The following ANKH variants were observed in gnomAD, a reference collection of about 807,000 sequenced individuals.
ANKH encodes mineralization regulator ANKH.
In ANKH, 15 loss-of-function variants were observed where a neutral mutation model predicts 49.0. The ratio of observed to expected loss-of-function variants is 0.31; its 90% CI spans 0.20 to 0.47. ANKH has a LOEUF of 0.47. Ranked by LOEUF, ANKH falls within the 20% of genes least tolerant of loss-of-function variation. The pLI, the probability that ANKH is intolerant of heterozygous loss-of-function variation, is 1.00. For missense variants in ANKH, 429 were observed against 652.0 expected, an observed-to-expected ratio of 0.66 and a Z score of 3.72; for synonymous variants, 273 against 260.0, an observed-to-expected ratio of 1.05 and a Z score of -0.48.
chr5:14,767,024 G>A (rs1300488173), intron 2 of ANKH, among the ~76,000 whole-genome samples: 4 of 152,294 alleles, frequency 2.6e-5, no homozygotes, highest in Middle Eastern at 3.4e-3. Context: ...GGGTGTAAGC[G>A]TCAAATATAG....
At chr5:14,791,565 A>G (rs773278005) in intron 1 of ANKH, among the ~76,000 whole-genome samples, 1 of 152,162 alleles carries the variant, frequency 6.6e-6, no homozygotes, top group Non-Finnish European at 1.5e-5. Flanking sequence ...GTTTTGAATA[A>G]ATCAGCCACC....
chr5:14,777,399 G>A (rs541491823), intron 1 of ANKH, among the ~76,000 whole-genome samples: 1 of 152,186 alleles, frequency 6.6e-6, no homozygotes, highest in East Asian at 1.9e-4. Flanking sequence ...ACTGTGTTCT[G>A]TTGCCTGATT....
At chr5:14,807,991 A>G (rs1740756758) in intron 1 of ANKH, among the ~76,000 whole-genome samples, 1 of 152,234 alleles carries the variant, frequency 6.6e-6, no homozygotes, top group African/African-American at 2.4e-5. Flanking sequence ...CCAAAATGTT[A>G]TTGCTGGTCA....
Position 14,841,366 on chromosome 5 carries a change from G to A in ANKH, c.96+29986C>T, listed in dbSNP as rs183245274. 6.0e-4 allele frequency among the ~76,000 whole-genome samples: 91 copies of A among 151,316 alleles called. 1 individual carries two copies. The East Asian group carries it at 0.012, about 20-fold the overall frequency. Reference sequence around the variant, plus strand: ...GGCTAAAGTGCAATGGTGCGACCTCGGCTCACTGCAACCTCCGCCTCCCGG... The same window carrying A: ...GGCTAAAGTGCAATGGTGCGACCTCAGCTCACTGCAACCTCCGCCTCCCGG... On this transcript the variant is annotated intron_variant, in intron 1 of 11. Coordinates refer to ENST00000284268, the MANE Select transcript of ANKH (RefSeq NM_054027.6).
chr5:14,857,138 AGGTACCAGGCATTT>A (rs1431066195), intron 1 of ANKH, among the ~76,000 whole-genome samples: 1 of 152,132 alleles, frequency 6.6e-6, no homozygotes, highest in Non-Finnish European at 1.5e-5. Flanking sequence ...CGGGTCCAAA[AGGTACCAGGCATTT>A]TGCCTGGTAC....
intron 2 of ANKH, among the ~76,000 whole-genome samples, chr5:14,759,905 G>T (rs924279601): frequency 6.6e-6 from 1 of 151,946 alleles, no homozygotes; most frequent in Admixed American, 6.6e-5. Context: ...ATAATCTTCA[G>T]GTTTTTCACA....
At position 14,708,014 on chromosome 5, in the gene ANKH, T is replaced by G. The variant is rs1470986407; in HGVS notation, c.*3183A>C. On this transcript the variant is annotated 3_prime_UTR_variant, in exon 12 of 12. Coordinates refer to ENST00000284268, the MANE Select transcript of ANKH (RefSeq NM_054027.6). ...TGCCAATGTGCAAATCCGTCAATACTCCCTGAGCCATGTGGCCGGCAGGTC... is the reference window on the plus strand; with the variant it reads ...TGCCAATGTGCAAATCCGTCAATACGCCCTGAGCCATGTGGCCGGCAGGTC... 3 of 152,110 alleles carry G rather than the reference T, an allele frequency of 2.0e-5. No individual in the cohort carries two copies. Among genetic ancestry groups the G allele is most frequent in the African/African-American group, 7.2e-5 (3 of 41,412 alleles). 9.4% of individuals were successfully genotyped at this position (152,110 alleles called of 1,614,324 possible).
At chr5:14,798,491 A>AT (rs34182070) in intron 1 of ANKH, 418,631 of 845,124 alleles carry the variant, frequency 0.5, 73,715 homozygotes, top group East Asian at 0.63. Flanking sequence ...CGCGGTCTCT[A>AT]TTTTTTTTTT....
intron 1 of ANKH, among the ~76,000 whole-genome samples, chr5:14,827,992 G>A (rs116256697): frequency 0.015 from 2,284 of 152,298 alleles, 47 homozygotes; most frequent in African/African-American, 0.053. Flanking sequence ...GTGGGCACCT[G>A]TTCCGGCATA....
chr5:14,762,321 C>A (rs1428455030), intron 2 of ANKH, among the ~76,000 whole-genome samples: 1 of 152,218 alleles, frequency 6.6e-6, no homozygotes, highest in Admixed American at 6.5e-5. Flanking sequence ...CGTTCGCCAT[C>A]CATTCTCCTG....
rs1414430603 is a variant in ANKH, at chr5:14,709,918, A to AT, written c.*1278dup. 6.6e-6 allele frequency: 1 copy of AT among 152,422 alleles called. No individual in the cohort carries two copies. Among genetic ancestry groups the AT allele is most frequent in the East Asian group, 1.9e-4 (1 of 5,192 alleles). 9.4% of individuals were successfully genotyped at this position (152,422 alleles called of 1,614,324 possible). A position where few individuals can be genotyped will look rare whatever the true frequency, so the allele number is the denominator to read the frequency against. Reference sequence around the variant, plus strand: ...CAGCATATATTTATATCTTTAAAATATTTTTTTTTTTAGGTTCTTTCAGTC... The same window carrying AT: ...CAGCATATATTTATATCTTTAAAATATTTTTTTTTTTTAGGTTCTTTCAGTC... On this transcript the variant is annotated 3_prime_UTR_variant, in exon 12 of 12. Transcript: ENST00000284268.
chr5:14,797,518 C>T, intron 1 of ANKH: 1 of 1,611,238 alleles, frequency 6.2e-7, no homozygotes, highest in Non-Finnish European at 8.5e-7. Context: ...ACAGTCTTGT[C>T]AGCTGATCCT....
At chr5:14,795,945 T>C (rs764003352) in intron 1 of ANKH, among the ~76,000 whole-genome samples, 18 of 152,320 alleles carry the variant, frequency 1.2e-4, no homozygotes, top group African/African-American at 3.8e-4. Context: ...TGGTTAATTA[T>C]TCCTTTTGCA....
chr5:14,746,075 G>A (rs2004699), intron 6 of ANKH, 113 bp from the exon 7 acceptor site: 19,351 of 799,302 alleles, frequency 0.024, 344 homozygotes, highest in Middle Eastern at 0.064. Context: ...GACAGAGCCC[G>A]CTACACTGGG....
At chr5:14,736,696 T>C (rs1738194293) in intron 8 of ANKH, among the ~76,000 whole-genome samples, 1 of 152,234 alleles carries the variant, frequency 6.6e-6, no homozygotes, top group African/African-American at 2.4e-5. Context: ...CTTTCCCTGA[T>C]CCTTGTTCTC....
chr5:14,721,263 T>A (rs1737650284), intron 8 of ANKH, among the ~76,000 whole-genome samples: 1 of 152,228 alleles, frequency 6.6e-6, no homozygotes, highest in Non-Finnish European at 1.5e-5. Context: ...CACCACTCAG[T>A]CACTCTGTTT....
rs1319567767 is a variant in ANKH at position 14,769,017 on chromosome 5, C to T, written c.271G>A (p.Val91Met). ...ACGGCAGCGATGGCCCCTGCCACCA[C>T]CATACACAGGACGGCTTTGGTCCTG... Reference protein sequence around the residue: ...RDRTKAVLCMVVAGAIAAVFH... With the variant: ...RDRTKAVLCMMVAGAIAAVFH... The change falls in exon 2 of 12, where the codon GTG (valine) becomes ATG (methionine). Residue 91 changes from valine to methionine, a missense_variant. By Grantham distance (21) the Val-to-Met change is conservative. Transcript: ENST00000284268. 6.8e-6 allele frequency: 11 copies of T among 1,614,236 alleles called. No individual in the cohort carries two copies. In the Middle Eastern group the frequency reaches 5.0e-4, roughly 73 times the overall value.
intron 1 of ANKH, among the ~76,000 whole-genome samples, chr5:14,817,770 C>T (rs929828745): frequency 6.6e-6 from 1 of 152,158 alleles, no homozygotes; most frequent in African/African-American, 2.4e-5. Flanking sequence ...CCCCCTCTTT[C>T]ACTGTAAAGA....
intron 1 of ANKH, among the ~76,000 whole-genome samples, chr5:14,863,326 G>A (rs1243074361): frequency 1.3e-5 from 2 of 152,156 alleles, no homozygotes; most frequent in Non-Finnish European, 2.9e-5. Flanking sequence ...CCACTGGTTG[G>A]TGCCAATCCC....
Sources: allele counts gnomAD v4.1 joint callset (sites outside exome capture counted in the v4.1 genomes callset), GRCh38; gene constraint gnomAD v4.1.1; transcripts MANE v1.5; gene names NCBI Gene and HGNC (gene_info 2026-07-23, HGNC 2026-07-21).